ZNF782: variants seen among roughly 807,000 people sequenced by gnomAD.
ZNF782 encodes zinc finger protein 782.
A neutral mutation model predicts 13.0 loss-of-function variants in ZNF782; 12 were observed. The ratio of observed to expected loss-of-function variants is 0.92; its 90% CI spans 0.59 to 1.50. The LOEUF is 1.50. Among genes scored for constraint, ZNF782 ranks in the 40% most tolerant of loss-of-function variants. The pLI is 0.00. For synonymous variants in ZNF782, 284 were observed against 283.0 expected, an observed-to-expected ratio of 1.00 and a Z score of -0.04; for missense variants, 770 against 822.9, an observed-to-expected ratio of 0.94 and a Z score of 0.79.
chr9:96,819,817 A>T, intron 5 of ZNF782, 39 bp from the exon 6 acceptor site: 1 of 1,485,602 alleles, frequency 6.7e-7, no homozygotes, highest in Non-Finnish European at 9.0e-7. Flanking sequence ...ATGATATTTA[A>T]CACATTTCTT....
intron 1 of ZNF782, among the ~76,000 whole-genome samples, chr9:96,867,147 G>A (rs1851765181): frequency 6.6e-6 from 1 of 152,140 alleles, no homozygotes; most frequent in African/African-American, 2.4e-5. Context: ...GGAGGGACCA[G>A]GACAGAATGA....
At chr9:96,915,195 T>C in the ZNF782 span, among the ~76,000 whole-genome samples, 1 of 152,028 alleles carries the variant, frequency 6.6e-6, no homozygotes, top group Non-Finnish European at 1.5e-5. Context: ...TAATGTCTTC[T>C]TAAAGTAGAA....
chr9:96,827,267 G>C (rs1307729924), intron 4 of ZNF782, 86 bp from the exon 5 acceptor site: 1 of 893,870 alleles, frequency 1.1e-6, no homozygotes, highest in Non-Finnish European at 1.7e-6. Flanking sequence ...CTTCAGAAGG[G>C]GCATATTCAG....
the ZNF782 span, chr9:96,929,136 T>G: frequency 6.3e-7 from 1 of 1,577,410 alleles, no homozygotes; most frequent in East Asian, 2.2e-5. Context: ...CTTATAGGGC[T>G]GATGTTGAGG....
the ZNF782 span, among the ~76,000 whole-genome samples, chr9:96,902,421 CAAAAAAAAAA>C: frequency 4.2e-3 from 298 of 70,196 alleles, 4 homozygotes; most frequent in Non-Finnish European, 5.2e-3. Context: ...ATCTCCATCT[CAAAAAAAAAA>C]AAAAAAAAAG....
chr9:96,888,489 A>G, the ZNF782 span: 1 of 151,810 alleles, frequency 6.6e-6, no homozygotes, highest in Non-Finnish European at 1.5e-5. Flanking sequence ...TAAAACTACT[A>G]GACATAATTT....
At chr9:96,856,670 A>G (rs1851646377), upstream of ZNF782, among the ~76,000 whole-genome samples, 1 of 152,184 alleles carries the variant, frequency 6.6e-6, no homozygotes, top group African/African-American at 2.4e-5. Flanking sequence ...TGGCCTTCCA[A>G]GAAGGTTTGC....
the ZNF782 span, chr9:96,898,085 C>T: frequency 6.7e-6 from 1 of 148,966 alleles, no homozygotes; most frequent in Non-Finnish European, 1.5e-5. Flanking sequence ...TTTTCTTTAA[C>T]TGCATACAGG....
chr9:96,929,385 C>A, the ZNF782 span, among the ~76,000 whole-genome samples: 2 of 151,742 alleles, frequency 1.3e-5, no homozygotes, highest in Non-Finnish European at 2.9e-5. Flanking sequence ...GACGGGCAAG[C>A]CTGAGCCCTG....
intron 1 of ZNF782, among the ~76,000 whole-genome samples, chr9:96,862,314 A>C (rs1851710265): frequency 6.6e-6 from 1 of 152,188 alleles, no homozygotes; most frequent in Admixed American, 6.6e-5. Context: ...TTGATAGCAA[A>C]ACAGGTTGAC....
the ZNF782 span, among the ~76,000 whole-genome samples, chr9:96,881,178 G>A: frequency 2.0e-5 from 3 of 152,032 alleles, no homozygotes; most frequent in Non-Finnish European, 4.4e-5. Context: ...CTTGCTAGAT[G>A]TTTATCAATT....
intron 1 of ZNF782, chr9:96,875,433 C>T (rs1244308915): frequency 6.6e-6 from 3 of 456,364 alleles, no homozygotes; most frequent in South Asian, 1.5e-5. Flanking sequence ...GGCGAGAAAC[C>T]TCTTACCCGG....
intron 4 of ZNF782, among the ~76,000 whole-genome samples, chr9:96,840,114 A>G (rs1851142103): frequency 6.6e-6 from 1 of 152,110 alleles, no homozygotes; most frequent in African/African-American, 2.4e-5. Context: ...GTTGATTACT[A>G]TTTTATTTAA....
intron 1 of ZNF782, among the ~76,000 whole-genome samples, chr9:96,870,949 G>C (rs1224623915): frequency 2.0e-5 from 3 of 152,162 alleles, no homozygotes; most frequent in African/African-American, 4.8e-5. Context: ...CTTATTAGCA[G>C]TTAGCATGTT....
intron 4 of ZNF782, among the ~76,000 whole-genome samples, chr9:96,842,872 T>TA (rs1246094663): frequency 6.6e-6 from 1 of 151,852 alleles, no homozygotes; most frequent in African/African-American, 2.4e-5. Flanking sequence ...AACTTCCAAT[T>TA]AAAAAATGGA....
the ZNF782 span, among the ~76,000 whole-genome samples, chr9:96,883,844 G>C: frequency 6.6e-6 from 1 of 152,240 alleles, no homozygotes; most frequent in Non-Finnish European, 1.5e-5. Flanking sequence ...GCAGGGTGAT[G>C]AGTTCTCTGT....
intron 1 of ZNF782, among the ~76,000 whole-genome samples, chr9:96,874,617 C>T (rs1440248036): frequency 6.6e-6 from 1 of 152,132 alleles, no homozygotes. Context: ...CTCATTCTGG[C>T]GGGTGGATCA....
In ZNF782 at chr9:96,817,588, TCA is replaced by T. The variant is rs1448951298; in HGVS notation, c.*333_*334del. 3.9e-5 allele frequency: 8 copies of T among 204,396 alleles called. No individual in the cohort carries two copies. The highest frequency in any genetic ancestry group is 5.8e-5 in the Non-Finnish European group (6 of 103,366). 12.7% of individuals were successfully genotyped at this position (204,396 alleles called of 1,614,324 possible). A position where few individuals can be genotyped will look rare whatever the true frequency, so the allele number is the denominator to read the frequency against. On this transcript the variant is annotated 3_prime_UTR_variant, in exon 6 of 6. Transcript: ENST00000481138. ...AGTTTTGATTGTTGGCACAAAGTTT[TCA>T]CATTTTTATTACTTTCTCAGAGCTT...
chr9:96,877,396 G>T (rs1244874860), upstream of ZNF782, among the ~76,000 whole-genome samples: 1 of 152,234 alleles, frequency 6.6e-6, no homozygotes, highest in Non-Finnish European at 1.5e-5. Flanking sequence ...ATCTTGGCGG[G>T]GCACCCAGGA....
Sources: gnomAD v4.1 joint callset for allele counts (sites outside exome capture counted in the v4.1 genomes callset) on GRCh38, gnomAD v4.1.1 for gene constraint, MANE v1.5 for transcripts, NCBI Gene and HGNC (gene_info 2026-07-23, HGNC 2026-07-21) for gene names.